The following ADAMTSL1 variants were observed in gnomAD, a reference collection of about 807,000 sequenced individuals.
ADAMTSL1 encodes the protein ADAMTS-like protein 1.
A neutral mutation model predicts 201.8 loss-of-function variants in ADAMTSL1; 126 were observed. The observed-to-expected ratio is 0.62, with a 90% CI of 0.54 to 0.72. The LOEUF (loss-of-function observed/expected upper bound fraction) is 0.72. Ranked by LOEUF, ADAMTSL1 falls within the 30% of genes least tolerant of loss-of-function variation. The pLI, the probability that ADAMTSL1 is intolerant of heterozygous loss-of-function variation, is 0.00. For synonymous variants in ADAMTSL1, 1,121 were observed against 903.4 expected (o/e 1.24, Z -4.32); for missense variants, 2,679 against 2,277.8 (o/e 1.18, Z -3.59).
rs376466829 is a variant in ADAMTSL1 at position 18,503,421 on chromosome 9, G to GTGTATATATA, written c.64-1407_64-1406insGTATATATAT. ...TTAAGGCTGAATAGTATTCCATTGTGTATATATATATATATATATACCACA... is the reference window on the plus strand; with the variant it reads ...TTAAGGCTGAATAGTATTCCATTGTGTGTATATATATATATATATATATATATATACCACA... On this transcript the variant is annotated intron_variant, in intron 1 of 28. Coordinates refer to ENST00000380548, the MANE Select transcript of ADAMTSL1 (RefSeq NM_001040272.6). 4.3e-4 allele frequency among the ~76,000 whole-genome samples: 50 copies of GTGTATATATA among 115,270 alleles called. 2 individuals are homozygous for GTGTATATATA. Among genetic ancestry groups the GTGTATATATA allele is most frequent in the South Asian group, 1.2e-3 (4 of 3,232 alleles). The allele number at this position is 115,270 out of a possible 152,430, so 75.6% of individuals were successfully genotyped here.
chr9:18,332,038 T>A (rs1284623091), intron 2 of ADAMTSL1, among the ~76,000 whole-genome samples: 1 of 152,156 alleles, frequency 6.6e-6, no homozygotes, highest in Non-Finnish European at 1.5e-5. Context: ...ATGTGGAATT[T>A]CTCCAGCCCT....
At chr9:18,522,782 A>G (rs1290653267) in intron 2 of ADAMTSL1, among the ~76,000 whole-genome samples, 2 of 151,602 alleles carry the variant, frequency 1.3e-5, no homozygotes, top group Admixed American at 1.3e-4. Flanking sequence ...CATCCTTTTT[A>G]TGGCTGCATA....
At chr9:18,036,882 C>T (rs1821222444) in intron 1 of ADAMTSL1, among the ~76,000 whole-genome samples, 1 of 152,112 alleles carries the variant, frequency 6.6e-6, no homozygotes, top group African/African-American at 2.4e-5. Flanking sequence ...CAGTAGTGTC[C>T]TGCTATTTTC....
At chr9:18,493,432 C>T (rs565021481) in intron 1 of ADAMTSL1, among the ~76,000 whole-genome samples, 1 of 152,092 alleles carries the variant, frequency 6.6e-6, no homozygotes, top group Non-Finnish European at 1.5e-5. Context: ...ATTCTCATTC[C>T]CAGTTCTCTT....
At chr9:18,711,972 C>T (rs1243723142) in intron 14 of ADAMTSL1, among the ~76,000 whole-genome samples, 1 of 152,142 alleles carries the variant, frequency 6.6e-6, no homozygotes, top group East Asian at 1.9e-4. Flanking sequence ...GGGAGGCACC[C>T]CCCAGCAGGG....
chr9:17,908,790 T>C (rs1464287326), intron 1 of ADAMTSL1, among the ~76,000 whole-genome samples: 2 of 152,190 alleles, frequency 1.3e-5, no homozygotes, highest in Non-Finnish European at 2.9e-5. Context: ...CATGGCCCCA[T>C]GTGTCTTTAT....
intron 24 of ADAMTSL1, 46 bp from the exon 25 acceptor site, chr9:18,889,522 C>A (rs756903457): frequency 6.3e-7 from 1 of 1,593,966 alleles, no homozygotes; most frequent in Non-Finnish European, 8.6e-7. Context: ...AGAGTGTGGG[C>A]AATTATGCTA....
At chr9:18,864,852 T>C (rs1303926101) in intron 23 of ADAMTSL1, among the ~76,000 whole-genome samples, 2 of 152,230 alleles carry the variant, frequency 1.3e-5, no homozygotes, top group Non-Finnish European at 2.9e-5. Context: ...GATTCTGTCA[T>C]AGTTGGAGCA....
At chr9:18,880,370 G>T (rs1828450944) in intron 23 of ADAMTSL1, among the ~76,000 whole-genome samples, 1 of 152,124 alleles carries the variant, frequency 6.6e-6, no homozygotes, top group Non-Finnish European at 1.5e-5. Context: ...TATGAAATTT[G>T]TTTCTTAAAG....
intron 1 of ADAMTSL1, among the ~76,000 whole-genome samples, chr9:18,023,916 A>G (rs780521353): frequency 3.3e-5 from 5 of 152,174 alleles, no homozygotes; most frequent in African/African-American, 4.8e-5. Flanking sequence ...ACGTATTCAG[A>G]AAGAAATACG....
chr9:18,758,466 G>T (rs1204503540), intron 16 of ADAMTSL1, among the ~76,000 whole-genome samples: 1 of 152,168 alleles, frequency 6.6e-6, no homozygotes, highest in Non-Finnish European at 1.5e-5. Flanking sequence ...ATCTCACCTA[G>T]CTAAATTCAG....
chr9:18,677,471 T>C (rs116859583), intron 10 of ADAMTSL1, among the ~76,000 whole-genome samples: 35 of 152,206 alleles, frequency 2.3e-4, no homozygotes, highest in Non-Finnish European at 4.1e-4. Context: ...TAAATGTTCA[T>C]AGGATATATG....
At chr9:18,644,817 T>A (rs952620064) in intron 7 of ADAMTSL1, among the ~76,000 whole-genome samples, 3 of 152,140 alleles carry the variant, frequency 2.0e-5, no homozygotes, top group Non-Finnish European at 4.4e-5. Context: ...TTCCAAGTCT[T>A]TGTTATTGTG....
chr9:18,402,519 T>C (rs1818023805), intron 2 of ADAMTSL1, among the ~76,000 whole-genome samples: 1 of 152,200 alleles, frequency 6.6e-6, no homozygotes, highest in African/African-American at 2.4e-5. Context: ...TCTCTTCTTG[T>C]CCTTCCTCTC....
At chr9:18,286,500 G>C (rs11791992) in intron 2 of ADAMTSL1, among the ~76,000 whole-genome samples, 15,430 of 151,992 alleles carry the variant, frequency 0.1, 1,018 homozygotes, top group South Asian at 0.2. Context: ...AATCCTTATA[G>C]CCCTGTAATA....
intron 2 of ADAMTSL1, among the ~76,000 whole-genome samples, chr9:18,180,388 C>G (rs35754634): frequency 2.6e-5 from 4 of 151,696 alleles, no homozygotes; most frequent in African/African-American, 7.3e-5. Context: ...AAAAAATTAG[C>G]CAGGCGTAGT....
At chr9:18,298,078 C>G (rs1833545622) in intron 2 of ADAMTSL1, among the ~76,000 whole-genome samples, 1 of 152,178 alleles carries the variant, frequency 6.6e-6, no homozygotes, top group African/African-American at 2.4e-5. Context: ...TGGAATCTGC[C>G]ACAACCAGGC....
chr9:18,778,984 T>C (rs144162830), intron 19 of ADAMTSL1, among the ~76,000 whole-genome samples: 185 of 152,370 alleles, frequency 1.2e-3, no homozygotes, highest in African/African-American at 4.3e-3. Flanking sequence ...GTTTGACTAA[T>C]AGTCTTCTCT....
chr9:18,211,419 C>T (rs1829865826), intron 2 of ADAMTSL1, among the ~76,000 whole-genome samples: 1 of 152,110 alleles, frequency 6.6e-6, no homozygotes, highest in Non-Finnish European at 1.5e-5. Context: ...AATTTGAAAA[C>T]CATTGTTCTA....
Sources: gnomAD v4.1 joint callset for allele counts (sites outside exome capture counted in the v4.1 genomes callset) on GRCh38, gnomAD v4.1.1 for gene constraint, MANE v1.5 for transcripts, NCBI Gene and HGNC (gene_info 2026-07-23, HGNC 2026-07-21) for gene names.